Variants in CRY1 observed in about 807,000 individuals in gnomAD.
CRY1 encodes the protein cryptochrome circadian regulator 1.
Under a neutral mutation model 76.0 loss-of-function variants are expected in CRY1, and 45 were observed. That is an observed-to-expected ratio of 0.59 (90% confidence interval 0.47 to 0.76). The LOEUF (loss-of-function observed/expected upper bound fraction) is 0.76. CRY1 is among the 30% of genes least tolerant of loss of function. The probability of loss-of-function intolerance (pLI) is 0.00; values close to 1 mark genes in which losing one functional copy is unlikely to be tolerated. For synonymous variants in CRY1, 248 were observed against 244.0 expected (o/e 1.02, Z -0.15); for missense variants, 587 against 716.4 (o/e 0.82, Z 2.06).
At chr12:107,005,283 T>C (rs2136826700) in intron 2 of CRY1, 35 bp from the exon 3 acceptor site, 3 of 1,550,874 alleles carry the variant, frequency 1.9e-6, no homozygotes, top group Non-Finnish European at 2.6e-6. Flanking sequence ...TGTACACCAA[T>C]TGTAATAGTT....
intron 1 of CRY1, among the ~76,000 whole-genome samples, chr12:107,024,571 C>CT (rs1463240211): frequency 6.6e-6 from 1 of 152,042 alleles, no homozygotes; most frequent in Non-Finnish European, 1.5e-5. Flanking sequence ...GAGGTGGGGT[C>CT]TCCCCACGTT....
intron 2 of CRY1, among the ~76,000 whole-genome samples, chr12:107,014,739 T>C (rs73201831): frequency 0.019 from 2,819 of 152,248 alleles, 45 homozygotes; most frequent in Non-Finnish European, 0.029. Flanking sequence ...TGATATACAG[T>C]CCTCCCTTGG....
intron 2 of CRY1, among the ~76,000 whole-genome samples, chr12:107,015,506 G>A (rs2300449): frequency 0.13 from 19,199 of 152,038 alleles, 2,065 homozygotes; most frequent in African/African-American, 0.28. Context: ...ACCATACCCA[G>A]CTAATTTTTA....
chr12:107,030,169 TAAAGG>T (rs1268254029), intron 1 of CRY1, among the ~76,000 whole-genome samples: 14 of 152,292 alleles, frequency 9.2e-5, no homozygotes, highest in African/African-American at 3.4e-4. Flanking sequence ...AAAGGGATTT[TAAAGG>T]CTTGATTCAA....
intron 2 of CRY1, among the ~76,000 whole-genome samples, chr12:107,021,682 ATGTG>A (rs928523256): frequency 2.0e-5 from 3 of 151,760 alleles, no homozygotes; most frequent in Non-Finnish European, 1.5e-5. Context: ...AAACACATGG[ATGTG>A]TGTGTGTGTA....
At chr12:107,008,226 T>C (rs1394221801) in intron 2 of CRY1, among the ~76,000 whole-genome samples, 2 of 152,230 alleles carry the variant, frequency 1.3e-5, no homozygotes, top group African/African-American at 4.8e-5. Flanking sequence ...AATGAGATCA[T>C]TCACTTTTCC....
At chr12:107,025,528 G>A (rs753891184) in intron 1 of CRY1, among the ~76,000 whole-genome samples, 5 of 152,120 alleles carry the variant, frequency 3.3e-5, no homozygotes, top group Admixed American at 6.5e-5. Context: ...TAACATATGC[G>A]AAGCTCTTAG....
chr12:107,038,943 C>A (rs1365590831), intron 1 of CRY1, among the ~76,000 whole-genome samples: 1 of 152,100 alleles, frequency 6.6e-6, no homozygotes, highest in Non-Finnish European at 1.5e-5. Context: ...AGCTGCTGCC[C>A]AAGAGACTAG....
intron 1 of CRY1, among the ~76,000 whole-genome samples, chr12:107,090,896 C>T (rs1258027894): frequency 6.6e-6 from 1 of 152,154 alleles, no homozygotes; most frequent in African/African-American, 2.4e-5. Context: ...CTCCCAATGG[C>T]TTCTCCAGCT....
rs189461855 is a variant in CRY1, at chr12:106,998,203, C to G, written c.1138-137G>C. ...GTAAAATTAAACATTCCAAAGTTAGCTTCCCTATGTTCTGTTCTATAATGA... is the reference window on the plus strand; with the variant it reads ...GTAAAATTAAACATTCCAAAGTTAGGTTCCCTATGTTCTGTTCTATAATGA... On this transcript the variant is annotated intron_variant, in intron 7 of 12. Transcript: ENST00000008527. 5 of 936,568 alleles carry G rather than the reference C, an allele frequency of 5.3e-6. No homozygotes were observed. In the Admixed American group the frequency reaches 9.4e-5, roughly 18 times the overall value. The allele number at this position is 936,568 out of a possible 1,614,324, so 58.0% of individuals were successfully genotyped here.
intron 1 of CRY1, among the ~76,000 whole-genome samples, chr12:107,034,447 CA>C (rs942242846): frequency 2.7e-4 from 41 of 152,154 alleles, no homozygotes; most frequent in African/African-American, 9.4e-4. Context: ...ATGGACTGGC[CA>C]TTTTTTGTTT....
chr12:107,062,165 A>T (rs17038978), intron 1 of CRY1, among the ~76,000 whole-genome samples: 6,639 of 152,134 alleles, frequency 0.044, 273 homozygotes, highest in African/African-American at 0.11. Flanking sequence ...CTTTTTATTG[A>T]CATCGTATTA....
At chr12:107,069,140 G>A (rs1953148083) in intron 1 of CRY1, among the ~76,000 whole-genome samples, 1 of 152,078 alleles carries the variant, frequency 6.6e-6, no homozygotes. Context: ...TTTTTCTACA[G>A]CAGCTGTACT....
At chr12:107,017,019 A>AT (rs1952503832) in intron 2 of CRY1, among the ~76,000 whole-genome samples, 1 of 152,144 alleles carries the variant, frequency 6.6e-6, no homozygotes, top group Non-Finnish European at 1.5e-5. Context: ...CTCCTAACTG[A>AT]TCTTTCTGCT....
At chr12:107,015,097 T>G (rs910529272) in intron 2 of CRY1, among the ~76,000 whole-genome samples, 4 of 152,074 alleles carry the variant, frequency 2.6e-5, no homozygotes, top group Non-Finnish European at 5.9e-5. Context: ...AGGCTGGTCT[T>G]GCACTCCCGA....
intron 1 of CRY1, among the ~76,000 whole-genome samples, chr12:107,076,628 A>C (rs1953256351): frequency 6.6e-6 from 1 of 151,856 alleles, no homozygotes; most frequent in Non-Finnish European, 1.5e-5. Context: ...GAAAAAAAAA[A>C]AAAAAAACCT....
At chr12:107,065,066 G>C (rs975530975) in intron 1 of CRY1, among the ~76,000 whole-genome samples, 3 of 151,996 alleles carry the variant, frequency 2.0e-5, no homozygotes, top group Non-Finnish European at 2.9e-5. Flanking sequence ...GAGGCCAAGA[G>C]GGGTGGATCA....
intron 2 of CRY1, among the ~76,000 whole-genome samples, chr12:107,014,908 C>T (rs549757641): frequency 9.9e-5 from 15 of 152,072 alleles, no homozygotes; most frequent in Non-Finnish European, 1.9e-4. Context: ...GACAGAGTCA[C>T]ACTCTGTTGC....
At chr12:107,030,134 CTAAA>C (rs1952659811) in intron 1 of CRY1, among the ~76,000 whole-genome samples, 1 of 152,078 alleles carries the variant, frequency 6.6e-6, no homozygotes, top group Non-Finnish European at 1.5e-5. Context: ...TATCTAATGA[CTAAA>C]TAAATTAATG....
Sources: gnomAD v4.1 joint callset for allele counts (sites outside exome capture counted in the v4.1 genomes callset) on GRCh38, gnomAD v4.1.1 for gene constraint, MANE v1.5 for transcripts, NCBI Gene and HGNC (gene_info 2026-07-23, HGNC 2026-07-21) for gene names.